The following ANKHD1 variants were observed in gnomAD, a reference collection of about 807,000 sequenced individuals.
The protein encoded by ANKHD1 is ankyrin repeat and KH domain containing 1.
In ANKHD1, 31 loss-of-function variants were observed where a neutral mutation model predicts 230.5. The observed-to-expected ratio is 0.13, with a 90% CI of 0.10 to 0.18. The LOEUF (loss-of-function observed/expected upper bound fraction) is 0.18. Among genes scored for constraint, ANKHD1 ranks in the 10% least tolerant of loss-of-function variants. The probability of loss-of-function intolerance (pLI) is 1.00; values close to 1 mark genes in which losing one functional copy is unlikely to be tolerated. For missense variants in ANKHD1, 2,256 were observed against 3,071.3 expected (o/e 0.73, Z 6.27); for synonymous variants, 1,074 against 1,117.6 (o/e 0.96, Z 0.78).
chr5:140,531,883 C>T (rs1393900301), intron 29 of ANKHD1, among the ~76,000 whole-genome samples: 2 of 152,034 alleles, frequency 1.3e-5, no homozygotes, highest in African/African-American at 4.8e-5. Flanking sequence ...TGTGGTATAT[C>T]TATAGAATGT....
chr5:140,489,914 A>G (rs1041499841), intron 14 of ANKHD1, among the ~76,000 whole-genome samples: 2 of 152,242 alleles, frequency 1.3e-5, no homozygotes, highest in Non-Finnish European at 2.9e-5. Flanking sequence ...TCATGTTAGT[A>G]TAAATCATGC....
intron 14 of ANKHD1, among the ~76,000 whole-genome samples, chr5:140,494,620 G>A (rs1437213519): frequency 6.6e-6 from 1 of 152,046 alleles, no homozygotes; most frequent in Non-Finnish European, 1.5e-5. Flanking sequence ...ATATGTTTGA[G>A]CTACCTGCAG....
chr5:140,494,661 G>A (rs1751945720), intron 14 of ANKHD1, among the ~76,000 whole-genome samples: 1 of 152,102 alleles, frequency 6.6e-6, no homozygotes, highest in Admixed American at 6.5e-5. Flanking sequence ...CAAAAAAGTA[G>A]ATGAATCTCT....
intron 7 of ANKHD1, 112 bp downstream of exon 7, chr5:140,449,417 C>T: frequency 1.6e-6 from 2 of 1,258,642 alleles, no homozygotes; most frequent in Non-Finnish European, 2.2e-6. Flanking sequence ...GTAATCCCAG[C>T]ACTTTGAGAG....
intron 10 of ANKHD1, among the ~76,000 whole-genome samples, chr5:140,470,252 A>G (rs1776393245): frequency 6.6e-6 from 1 of 151,934 alleles, no homozygotes; most frequent in South Asian, 2.1e-4. Context: ...TAATTATTCT[A>G]TTAATTTTCC....
intron 25 of ANKHD1, among the ~76,000 whole-genome samples, chr5:140,525,182 C>T (rs1753546932): frequency 6.6e-6 from 1 of 151,820 alleles, no homozygotes; most frequent in African/African-American, 2.4e-5. Context: ...CCTATACCAC[C>T]TTAGACAAGA....
intron 1 of ANKHD1, among the ~76,000 whole-genome samples, chr5:140,418,144 CTTT>C (rs147753786): frequency 1.6e-5 from 2 of 126,408 alleles, no homozygotes; most frequent in African/African-American, 3.0e-5. Context: ...GTCCAGCCTT[CTTT>C]TTTTTTTTTT....
intron 30 of ANKHD1, 68 bp downstream of exon 30, chr5:140,535,606 C>T (rs1226118717): frequency 6.7e-6 from 10 of 1,484,910 alleles, no homozygotes; most frequent in Admixed American, 2.6e-5. Flanking sequence ...ATTTCAGTTA[C>T]AACACCATGT....
intron 1 of ANKHD1, among the ~76,000 whole-genome samples, chr5:140,420,495 G>A (rs757514029): frequency 3.3e-5 from 5 of 152,146 alleles, no homozygotes; most frequent in Non-Finnish European, 7.3e-5. Flanking sequence ...TCCAATTTGA[G>A]TTAATTTTTA....
intron 10 of ANKHD1, chr5:140,472,377 C>G (rs1230753823): frequency 1.9e-6 from 3 of 1,570,318 alleles, no homozygotes; most frequent in Admixed American, 3.9e-5. Context: ...TATCTGAATT[C>G]CAGCCAAGAA....
At chr5:140,438,407 T>C (rs1773610285) in intron 2 of ANKHD1, 54 bp from the exon 3 acceptor site, 5 of 1,473,344 alleles carry the variant, frequency 3.4e-6, no homozygotes, top group Non-Finnish European at 4.5e-6. Context: ...TTTGCACTTT[T>C]ATACTTTTTT....
At chr5:140,469,340 A>G (rs1221635734) in intron 10 of ANKHD1, among the ~76,000 whole-genome samples, 1 of 113,606 alleles carries the variant, frequency 8.8e-6, no homozygotes, top group Non-Finnish European at 1.8e-5. Flanking sequence ...TGTCTCTACC[A>G]AAAAAAAAAA....
chr5:140,491,168 T>A (rs1324010551), intron 14 of ANKHD1, among the ~76,000 whole-genome samples: 19 of 116,084 alleles, frequency 1.6e-4, no homozygotes, highest in South Asian at 6.0e-4. Flanking sequence ...ATATTTTTTT[T>A]TTTTTTTTTT....
Position 140,526,651 on chromosome 5 carries a change from G to C in ANKHD1, c.4940+208G>C, listed in dbSNP as rs921387958. On this transcript the variant is annotated intron_variant, in intron 26 of 33. Transcript: ENST00000360839. ...AATGAGATTATTAGAAATTTTTATA[G>C]GATTCATAGTCTGAAGTTGAAAATA... 6.6e-5 allele frequency among the ~76,000 whole-genome samples: 10 copies of C among 151,924 alleles called. No individual in the cohort carries two copies. The East Asian group carries it at 1.9e-3, about 29-fold the overall frequency.
chr5:140,538,028 A>G (rs1754156334), intron 31 of ANKHD1, 58 bp from the exon 32 acceptor site: 1 of 1,551,012 alleles, frequency 6.4e-7, no homozygotes, highest in Non-Finnish European at 8.7e-7. Context: ...AACAATGGTA[A>G]TGTTTTGTTG....
chr5:140,497,350 A>G, intron 15 of ANKHD1, 72 bp downstream of exon 15: 3 of 1,505,306 alleles, frequency 2.0e-6, no homozygotes, highest in Non-Finnish European at 2.6e-6. Context: ...TACCCCTCCA[A>G]AAACGTAGAC....
intron 24 of ANKHD1, among the ~76,000 whole-genome samples, chr5:140,516,537 G>A (rs1396927709): frequency 1.3e-5 from 2 of 152,156 alleles, no homozygotes; most frequent in African/African-American, 2.4e-5. Context: ...GGCAGCCAGC[G>A]AGAAAGGTCG....
At chr5:140,436,049 T>A in intron 1 of ANKHD1, 55 bp from the exon 2 acceptor site, 1 of 1,396,606 alleles carries the variant, frequency 7.2e-7, no homozygotes, top group Non-Finnish European at 9.4e-7. Context: ...ATTGTAGTTA[T>A]TCTAATCATA....
Position 140,507,864 on chromosome 5 carries a change from G to T in ANKHD1, c.3631G>T (p.Asp1211Tyr), listed in dbSNP as rs762480131. 6.2e-7 allele frequency: 1 copy of T among 1,614,084 alleles called. No homozygotes were observed. Among genetic ancestry groups the T allele is most frequent in the Non-Finnish European group, 8.5e-7 (1 of 1,180,012 alleles). Residue 1211 changes from aspartate (D) to tyrosine (Y), a missense_variant, in exon 20 of 34, where the codon GAT becomes TAT. By Grantham distance (160) the Asp-to-Tyr change is radical (BLOSUM62 -3). Coordinates refer to ENST00000360839, the MANE Select transcript of ANKHD1 (RefSeq NM_017747.3). The surrounding 1 kb of genome is among the most constrained non-coding windows in gnomAD (Gnocchi z 4.1). ...GHVPAVKLLL[D>Y]MGSDINAQIE... ...TGTTCCTGCAGTAAAATTGCTGCTC[G>T]ATATGGGTTCAGACATTAATGCCCA... is the stretch of plus-strand genomic sequence containing the variant.
Sources: gnomAD v4.1 joint callset for allele counts (sites outside exome capture counted in the v4.1 genomes callset) on GRCh38, gnomAD v4.1.1 for gene constraint, Gnocchi (gnomAD v3.1) non-coding constraint, MANE v1.5 for transcripts, NCBI Gene and HGNC (gene_info 2026-07-23, HGNC 2026-07-21) for gene names.